The following PTPRJ variants were observed in gnomAD, a reference collection of about 807,000 sequenced individuals.
PTPRJ encodes the protein receptor-type tyrosine-protein phosphatase eta.
In PTPRJ, 129 loss-of-function variants were observed where a neutral mutation model predicts 141.3. The observed-to-expected ratio is 0.91, with a 90% CI of 0.79 to 1.06. PTPRJ has a LOEUF of 1.06. Ranked by LOEUF, PTPRJ falls within the 50% of genes least tolerant of loss-of-function variation. PTPRJ has a pLI of 0.00. For synonymous variants in PTPRJ, 610 were observed against 640.5 expected (o/e 0.95, Z 0.72); for missense variants, 1,601 against 1,679.7 (o/e 0.95, Z 0.82).
At chr11:48,152,933 A>G (rs966893597) in intron 18 of PTPRJ, among the ~76,000 whole-genome samples, 25 of 152,166 alleles carry the variant, frequency 1.6e-4, no homozygotes, top group African/African-American at 6.0e-4. Context: ...CTATTTCTAA[A>G]TAAGATCCCA....
chr11:48,144,950 G>A (rs1452985910), intron 13 of PTPRJ, 50 bp from the exon 14 acceptor site: 2 of 1,614,082 alleles, frequency 1.2e-6, no homozygotes, highest in African/African-American at 1.3e-5. Flanking sequence ...CTACATGCCT[G>A]CGGTCAGACA....
At chr11:47,998,066 C>T (rs1376468123) in intron 1 of PTPRJ, among the ~76,000 whole-genome samples, 4 of 151,674 alleles carry the variant, frequency 2.6e-5, no homozygotes, top group Admixed American at 1.3e-4. Context: ...TTGTGAGGCC[C>T]AAAAACAGCT....
chr11:48,121,213 C>T lies in PTPRJ; in HGVS notation c.563C>T (p.Pro188Leu). 1 of 1,614,134 alleles carries T rather than the reference C, an allele frequency of 6.2e-7. No individual in the cohort carries two copies. The highest frequency in any genetic ancestry group is 8.5e-7 in the Non-Finnish European group (1 of 1,179,992). ...ACTTCATATGTATTCTCCATCACTCCAGGAATAGGCAATGAGACTTGGGGA... is the reference window on the plus strand; with the variant it reads ...ACTTCATATGTATTCTCCATCACTCTAGGAATAGGCAATGAGACTTGGGGA... Reference protein sequence around the residue: ...PATSYVFSITPGIGNETWGDP... With the variant: ...PATSYVFSITLGIGNETWGDP... The change falls in exon 4 of 25, where the codon CCA (proline) becomes CTA (leucine). Residue 188 changes from proline to leucine, a missense_variant. Physicochemically the swap from Pro to Leu is moderately conservative, Grantham distance 98 (BLOSUM62 -3). Transcript: ENST00000418331.
At chr11:48,038,470 C>T (rs1854183446) in intron 1 of PTPRJ, among the ~76,000 whole-genome samples, 1 of 151,978 alleles carries the variant, frequency 6.6e-6, no homozygotes, top group Non-Finnish European at 1.5e-5. Context: ...CTACTGATAA[C>T]AGGCAGCTCT....
At chr11:47,986,399 T>C (rs1473305498) in intron 1 of PTPRJ, among the ~76,000 whole-genome samples, 2 of 152,148 alleles carry the variant, frequency 1.3e-5, no homozygotes, top group African/African-American at 4.8e-5. Flanking sequence ...GTTGAGAGGA[T>C]CAAATAAGAT....
At chr11:48,116,396 C>T (rs780978780) in intron 3 of PTPRJ, among the ~76,000 whole-genome samples, 1 of 152,140 alleles carries the variant, frequency 6.6e-6, no homozygotes, top group African/African-American at 2.4e-5. Context: ...TATATATGCA[C>T]CCAGCATTGG....
At chr11:48,048,729 G>A (rs111459046) in intron 1 of PTPRJ, among the ~76,000 whole-genome samples, 10,638 of 152,264 alleles carry the variant, frequency 0.07, 1,214 homozygotes, top group African/African-American at 0.24. Flanking sequence ...GGGAGGCAGG[G>A]ACTGCAGTGA....
intron 1 of PTPRJ, among the ~76,000 whole-genome samples, chr11:48,100,449 A>G (rs933008027): frequency 1.3e-5 from 2 of 152,326 alleles, no homozygotes; most frequent in Non-Finnish European, 2.9e-5. Flanking sequence ...CGTAGATTAT[A>G]TAATTTAATA....
chr11:47,999,954 T>C (rs947445046), intron 1 of PTPRJ, among the ~76,000 whole-genome samples: 5 of 147,984 alleles, frequency 3.4e-5, no homozygotes, highest in Admixed American at 3.4e-4. Flanking sequence ...CCTTCTGGGC[T>C]CAAGTGATTC....
chr11:47,980,882 C>A lies in PTPRJ; in HGVS notation c.-31C>A. 8.9e-7 allele frequency: 1 copy of A among 1,118,816 alleles called. No homozygotes were observed. Among genetic ancestry groups the A allele is most frequent in the Non-Finnish European group, 1.1e-6 (1 of 917,024 alleles). The allele number at this position is 1,118,816 out of a possible 1,614,324, so 69.3% of individuals were successfully genotyped here. A position where few individuals can be genotyped will look rare whatever the true frequency, so the allele number is the denominator to read the frequency against. ...GGCGCACGGCGGGGCCCGATTCGCG[C>A]GTCCGGGGCACGTTCCAGGGCGCGC... On this transcript the variant is annotated 5_prime_UTR_variant, in exon 1 of 25. Coordinates refer to ENST00000418331, the MANE Select transcript of PTPRJ (RefSeq NM_002843.4).
In PTPRJ at chr11:48,093,875, A is replaced by T. The variant is rs539263843; in HGVS notation, c.97-16183A>T. On this transcript the variant is annotated intron_variant, in intron 1 of 24. Coordinates refer to ENST00000418331, the MANE Select transcript of PTPRJ (RefSeq NM_002843.4). Reference sequence around the variant, plus strand: ...GCTCCTGCGGCTCTGACGATCCTCGATGAAGTGTTCTTTGATTAAGTGTCA... The same window carrying T: ...GCTCCTGCGGCTCTGACGATCCTCGTTGAAGTGTTCTTTGATTAAGTGTCA... Among the ~76,000 whole-genome samples the T allele has an allele frequency of 5.1e-4, 77 of 152,174 alleles. 2 individuals carry two copies. Among genetic ancestry groups the T allele is most frequent in the Non-Finnish European group, 1.2e-4 (8 of 68,010 alleles).
chr11:48,075,658 C>A (rs990831623), intron 1 of PTPRJ, among the ~76,000 whole-genome samples: 2 of 152,086 alleles, frequency 1.3e-5, no homozygotes, highest in African/African-American at 4.8e-5. Flanking sequence ...GTCTTGAACT[C>A]TTGGGCTTAA....
chr11:48,009,607 A>G (rs1237594254), intron 1 of PTPRJ, among the ~76,000 whole-genome samples: 2 of 152,200 alleles, frequency 1.3e-5, no homozygotes, highest in Non-Finnish European at 2.9e-5. Context: ...AAAAAAAAAT[A>G]TTGGTTAAAG....
intron 21 of PTPRJ, among the ~76,000 whole-genome samples, chr11:48,157,892 G>A (rs369372542): frequency 6.6e-6 from 1 of 152,170 alleles, no homozygotes; most frequent in East Asian, 1.9e-4. Context: ...GTGGCTTACA[G>A]CTGTAATCCC....
At position 48,037,394 on chromosome 11, in the gene PTPRJ, C is replaced by T. The variant is rs141726747; in HGVS notation, c.96+56386C>T. Among the ~76,000 whole-genome samples the T allele has an allele frequency of 1.1e-4, 16 of 152,262 alleles. 1 individual carries two copies. In the East Asian group the frequency reaches 3.1e-3, roughly 29 times the overall value. ...CCAAAGCGCTTACAGCATTTGAAGG[C>T]TCAGAGAGATGCCGTGGTCAGGAAG... On this transcript the variant is annotated intron_variant, in intron 1 of 24. Transcript: ENST00000418331.
In PTPRJ at chr11:47,981,059, G is replaced by T. The variant is rs549486402; in HGVS notation, c.96+51G>T. ...GGGGCAGGAGGCTGGGGCGGGACTGGCATTGACTGCACCTGCCCGAGCGTA... is the reference window on the plus strand; with the variant it reads ...GGGGCAGGAGGCTGGGGCGGGACTGTCATTGACTGCACCTGCCCGAGCGTA... On this transcript the variant is annotated intron_variant, in intron 1 of 24. Coordinates refer to ENST00000418331, the MANE Select transcript of PTPRJ (RefSeq NM_002843.4). 5.8e-6 allele frequency: 7 copies of T among 1,204,616 alleles called. No homozygotes were observed. The East Asian group carries it at 2.3e-4, about 40-fold the overall frequency. The allele number at this position is 1,204,616 out of a possible 1,614,324, so 74.6% of individuals were successfully genotyped here.
At chr11:48,127,627 C>T (rs566324657) in intron 6 of PTPRJ, among the ~76,000 whole-genome samples, 153 bp from the exon 7 acceptor site, 2 of 152,246 alleles carry the variant, frequency 1.3e-5, no homozygotes, top group African/African-American at 2.4e-5. Flanking sequence ...TGGCTGGGAC[C>T]GTCATGCTTT....
chr11:48,129,869 G>A (rs1231292298), intron 7 of PTPRJ, among the ~76,000 whole-genome samples: 1 of 152,122 alleles, frequency 6.6e-6, no homozygotes, highest in Non-Finnish European at 1.5e-5. Flanking sequence ...GCAGAAGGTT[G>A]TGCCCCACCC....
At chr11:48,051,374 C>T (rs938939037) in intron 1 of PTPRJ, among the ~76,000 whole-genome samples, 7 of 152,148 alleles carry the variant, frequency 4.6e-5, no homozygotes, top group African/African-American at 9.7e-5. Context: ...GCATTACAGG[C>T]GTGAGCCATT....
Sources: allele counts gnomAD v4.1 joint callset (sites outside exome capture counted in the v4.1 genomes callset), GRCh38; gene constraint gnomAD v4.1.1; transcripts MANE v1.5; gene names NCBI Gene and HGNC (gene_info 2026-07-23, HGNC 2026-07-21).